The following NBAS variants were observed in gnomAD, a reference collection of about 807,000 sequenced individuals.
NBAS encodes the protein NBAS subunit of NRZ tethering complex, also known as NAG/BC035112 fusion.
NBAS carries 219 observed loss-of-function variants against 302.5 expected under a neutral mutation model. The ratio of observed to expected loss-of-function variants is 0.72; its 90% CI spans 0.65 to 0.81. The LOEUF (loss-of-function observed/expected upper bound fraction) is 0.81. NBAS is among the 30% of genes least tolerant of loss of function. The pLI is 0.00. For missense variants in NBAS, 2,932 were observed against 2,841.6 expected (o/e 1.03, Z -0.72); for synonymous variants, 1,118 against 1,021.6 (o/e 1.09, Z -1.80).
chr2:14,905,738 C>T, the NBAS span, among the ~76,000 whole-genome samples: 1 of 152,158 alleles, frequency 6.6e-6, no homozygotes, highest in Admixed American at 6.5e-5. Context: ...ACACGTGACC[C>T]ATGTGTGTTC....
chr2:15,403,775 A>T (rs1676266902), intron 25 of NBAS, among the ~76,000 whole-genome samples: 1 of 152,188 alleles, frequency 6.6e-6, no homozygotes, highest in South Asian at 2.1e-4. Context: ...CTAACTGGTA[A>T]AATAGGAACA....
At chr2:14,916,038 T>A in the NBAS span, among the ~76,000 whole-genome samples, 1 of 152,198 alleles carries the variant, frequency 6.6e-6, no homozygotes, top group Non-Finnish European at 1.5e-5. Flanking sequence ...GTCTCAGGTA[T>A]GTCTTTATCA....
At chr2:15,502,494 T>G (rs1056936213) in intron 11 of NBAS, among the ~76,000 whole-genome samples, 1 of 152,224 alleles carries the variant, frequency 6.6e-6, no homozygotes, top group South Asian at 2.1e-4. Flanking sequence ...CTGGGTGGTA[T>G]AGCCTATTGC....
At chr2:15,138,865 C>T in the NBAS span, among the ~76,000 whole-genome samples, 1 of 152,134 alleles carries the variant, frequency 6.6e-6, no homozygotes, top group Non-Finnish European at 1.5e-5. Flanking sequence ...CATTTGTGAG[C>T]TCAGTGTGAA....
At chr2:15,368,260 C>T (rs28379718) in intron 31 of NBAS, among the ~76,000 whole-genome samples, 5,430 of 130,518 alleles carry the variant, frequency 0.042, 345 homozygotes, top group African/African-American at 0.15. Context: ...AGTGCAGTGG[C>T]GTAATCTCGG....
the NBAS span, among the ~76,000 whole-genome samples, chr2:15,076,933 T>C: frequency 1.3e-5 from 2 of 152,244 alleles, no homozygotes; most frequent in African/African-American, 4.8e-5. Flanking sequence ...ATCATATTTA[T>C]GGTATATGAC....
the NBAS span, among the ~76,000 whole-genome samples, chr2:15,159,915 C>T: frequency 6.6e-6 from 1 of 152,090 alleles, no homozygotes; most frequent in South Asian, 2.1e-4. Flanking sequence ...ACTGGCTATG[C>T]AATTTGGGGA....
At chr2:14,795,477 A>G in the NBAS span, among the ~76,000 whole-genome samples, 20 of 151,330 alleles carry the variant, frequency 1.3e-4, no homozygotes, top group East Asian at 2.9e-3. Context: ...GATTTTACAT[A>G]TATATATATA....
At chr2:15,306,720 C>G (rs1303385223) in intron 40 of NBAS, among the ~76,000 whole-genome samples, 1 of 150,404 alleles carries the variant, frequency 6.6e-6, no homozygotes, top group East Asian at 1.9e-4. Flanking sequence ...CCTTATCTTT[C>G]AGTATTCTGC....
chr2:15,493,065 C>A (rs1200623808), intron 11 of NBAS, among the ~76,000 whole-genome samples: 1 of 152,186 alleles, frequency 6.6e-6, no homozygotes, highest in Non-Finnish European at 1.5e-5. Flanking sequence ...TGTTCTCATG[C>A]TAGTGAGTTC....
At chr2:15,518,778 T>C (rs746840722) in intron 9 of NBAS, among the ~76,000 whole-genome samples, 2 of 152,146 alleles carry the variant, frequency 1.3e-5, no homozygotes, top group Non-Finnish European at 2.9e-5. Context: ...GGAGGCCTCA[T>C]AATCATGGTG....
the NBAS span, among the ~76,000 whole-genome samples, chr2:15,147,893 C>T: frequency 6.6e-6 from 1 of 151,234 alleles, no homozygotes; most frequent in Admixed American, 6.6e-5. Flanking sequence ...ATGAAGAAAA[C>T]TCAGCAGACT....
At chr2:15,463,136 T>C (rs905683557) in intron 19 of NBAS, among the ~76,000 whole-genome samples, 8 of 152,178 alleles carry the variant, frequency 5.3e-5, no homozygotes, top group African/African-American at 1.9e-4. Context: ...TAGCTGGGCA[T>C]GGTGCCATGT....
chr2:14,927,723 ATTG>A, the NBAS span, among the ~76,000 whole-genome samples: 4 of 152,264 alleles, frequency 2.6e-5, no homozygotes, highest in Middle Eastern at 3.4e-3. Flanking sequence ...TTATTTTCTG[ATTG>A]TTTTTATCGT....
intron 21 of NBAS, among the ~76,000 whole-genome samples, chr2:15,458,710 C>G (rs1163113208): frequency 6.6e-6 from 1 of 152,142 alleles, no homozygotes; most frequent in Admixed American, 6.5e-5. Flanking sequence ...TGTGGCAACA[C>G]AAACAGACTA....
At chr2:15,315,062 C>T (rs1230848959) in intron 38 of NBAS, among the ~76,000 whole-genome samples, 8 of 152,160 alleles carry the variant, frequency 5.3e-5, no homozygotes, top group Non-Finnish European at 1.0e-4. Context: ...GCAATAAGGT[C>T]TGCATCTTGA....
the NBAS span, among the ~76,000 whole-genome samples, chr2:15,017,912 T>G: frequency 6.6e-6 from 1 of 152,042 alleles, no homozygotes; most frequent in Non-Finnish European, 1.5e-5. Context: ...AATAGATGAA[T>G]GGATAAAGAA....
At chr2:14,990,690 T>A in the NBAS span, among the ~76,000 whole-genome samples, 1 of 152,120 alleles carries the variant, frequency 6.6e-6, no homozygotes, top group Non-Finnish European at 1.5e-5. Flanking sequence ...GGACTCTACC[T>A]CCTGGCTCAG....
the NBAS span, among the ~76,000 whole-genome samples, chr2:15,154,222 G>A: frequency 2.0e-5 from 3 of 152,230 alleles, no homozygotes; most frequent in Non-Finnish European, 2.9e-5. Context: ...TCCAGAGACA[G>A]TCAATGAAAT....
Sources: gnomAD v4.1 joint callset for allele counts (sites outside exome capture counted in the v4.1 genomes callset) on GRCh38, gnomAD v4.1.1 for gene constraint, MANE v1.5 for transcripts, NCBI Gene and HGNC (gene_info 2026-07-23, HGNC 2026-07-21) for gene names.